The following MYF5 variants were observed in gnomAD, a reference collection of about 807,000 sequenced individuals.
The protein encoded by MYF5 is myogenic factor 5, also known as class C basic helix-loop-helix protein 2.
In MYF5, 20 loss-of-function variants were observed where a neutral mutation model predicts 22.3. The observed-to-expected ratio is 0.90, with a 90% CI of 0.63 to 1.30. MYF5 has a LOEUF of 1.30. Ranked by LOEUF, MYF5 falls within the 50% of genes most tolerant of loss-of-function variation. The pLI, the probability that MYF5 is intolerant of heterozygous loss-of-function variation, is 0.00. For synonymous variants in MYF5, 141 were observed against 128.4 expected, an observed-to-expected ratio of 1.10 and a Z score of -0.66; for missense variants, 348 against 325.9, an observed-to-expected ratio of 1.07 and a Z score of -0.52.
In MYF5 at chr12:80,718,376, G is replaced by A. The variant is rs1455580340; in HGVS notation, c.520G>A (p.Val174Ile). Residue 174 changes from valine (V) to isoleucine (I), a missense_variant, in exon 2 of 3, where the codon GTC (valine) becomes ATC (isoleucine). Physicochemically the swap from Val to Ile is conservative, Grantham distance 29 (BLOSUM62 3). Transcript: ENST00000228644. ...SDGMPECNSPVWSRKSSTFDS... is the reference protein window; with the variant it reads ...SDGMPECNSPIWSRKSSTFDS... ...ATTATAGCCCGAATGTAACAGTCCT[G>A]TCTGGTCCAGAAAGAGCAGTACTTT... is the stretch of plus-strand genomic sequence containing the variant. The A allele has an allele frequency of 6.8e-6, 11 of 1,614,092 alleles. No homozygotes were observed. Among genetic ancestry groups the A allele is most frequent in the Non-Finnish European group, 9.3e-6 (11 of 1,179,926 alleles).
chr12:80,718,347 T>C lies in MYF5; in HGVS notation c.502-11T>C. ...CTGAAAACAAACTTTGTTGTGTGTC[T>C]TGTATTATAGCCCGAATGTAACAGT... On this transcript the variant is annotated splice_polypyrimidine_tract_variant and intron_variant, in intron 1 of 2. Coordinates refer to ENST00000228644, the MANE Select transcript of MYF5 (RefSeq NM_005593.3). 2.5e-6 allele frequency: 4 copies of C among 1,613,098 alleles called. No homozygotes were observed. Among genetic ancestry groups the C allele is most frequent in the African/African-American group, 1.3e-5 (1 of 75,024 alleles).
chr12:80,717,041 T>C lies in MYF5; in HGVS notation c.-23T>C. ...CCCATCCCTCTCGCTGCCGTCCAGG[T>C]GCACCGCCTGCCTCTCAGCAGGATG... On this transcript the variant is annotated 5_prime_UTR_variant, in exon 1 of 3. Coordinates refer to ENST00000228644, the MANE Select transcript of MYF5 (RefSeq NM_005593.3). 2 of 1,576,428 alleles carry C rather than the reference T, an allele frequency of 1.3e-6. No homozygotes were observed. The highest frequency in any genetic ancestry group is 8.6e-7 in the Non-Finnish European group (1 of 1,161,876).
At position 80,717,167 on chromosome 12, in the gene MYF5, G is replaced by A. The variant is rs755476227; in HGVS notation, c.104G>A (p.Arg35Gln). 4 of 1,613,958 alleles carry A rather than the reference G, an allele frequency of 2.5e-6. No homozygotes were observed. Among genetic ancestry groups the A allele is most frequent in the Non-Finnish European group, 2.5e-6 (3 of 1,180,022 alleles). ...GAATTTGGGGACGAGTTTGTGCCGCGAGTGGCTGCCTTCGGAGCGCACAAA... is the reference window on the plus strand; with the variant it reads ...GAATTTGGGGACGAGTTTGTGCCGCAAGTGGCTGCCTTCGGAGCGCACAAA... Reference protein sequence around the residue: ...EGEFGDEFVPRVAAFGAHKAE... With the variant: ...EGEFGDEFVPQVAAFGAHKAE... Residue 35 changes from arginine (R) to glutamine (Q), a missense_variant, in exon 1 of 3, where the codon CGA (arginine) becomes CAA (glutamine). By Grantham distance (43) the Arg-to-Gln change is conservative. Coordinates refer to ENST00000228644, the MANE Select transcript of MYF5 (RefSeq NM_005593.3).
chr12:80,718,301 C>A, intron 1 of MYF5, 57 bp from the exon 2 acceptor site: 1 of 1,428,758 alleles, frequency 7.0e-7, no homozygotes, highest in South Asian at 1.1e-5. Flanking sequence ...CACCTTTGGT[C>A]AGAACATCTT....
At position 80,717,177 on chromosome 12, in the gene MYF5, C is replaced by A; in HGVS notation, c.114C>A (p.Ala38=). 1 of 1,614,026 alleles carries A rather than the reference C, an allele frequency of 6.2e-7. No individual in the cohort carries two copies. The highest frequency in any genetic ancestry group is 8.5e-7 in the Non-Finnish European group (1 of 1,180,020). Residue 38 remains alanine, a synonymous_variant, in exon 1 of 3, where the codon GCC becomes GCA. Coordinates refer to ENST00000228644, the MANE Select transcript of MYF5 (RefSeq NM_005593.3). ...FGDEFVPRVA[A]FGAHKAELQG... ...ACGAGTTTGTGCCGCGAGTGGCTGC[C>A]TTCGGAGCGCACAAAGCAGAGCTGC...
Position 80,717,469 on chromosome 12 carries a change from G to A in MYF5, c.406G>A (p.Glu136Lys). ...NAIRYIESLQ[E>K]LLREQVENYY... Reference sequence around the variant, plus strand: ...CATCCGCTACATCGAGAGCCTGCAGGAGTTGCTGAGAGAGCAGGTGGAGAA... The same window carrying A: ...CATCCGCTACATCGAGAGCCTGCAGAAGTTGCTGAGAGAGCAGGTGGAGAA... The change falls in exon 1 of 3, where the codon GAG becomes AAG. Residue 136 changes from glutamate to lysine, a missense_variant. Glu to Lys is a moderately conservative substitution (Grantham distance 56). Transcript: ENST00000228644. The A allele has an allele frequency of 1.2e-6, 2 of 1,614,180 alleles. No individual in the cohort carries two copies. The highest frequency in any genetic ancestry group is 2.2e-5 in the South Asian group (2 of 91,078).
chr12:80,717,033 C>G lies in MYF5; in HGVS notation c.-31C>G, dbSNP rs897988891. The G allele has an allele frequency of 7.0e-6, 11 of 1,567,862 alleles. No individual in the cohort carries two copies. The highest frequency in any genetic ancestry group is 6.8e-5 in the South Asian group (6 of 87,738). ...CGTTTCTCCCCATCCCTCTCGCTGC[C>G]GTCCAGGTGCACCGCCTGCCTCTCA... On this transcript the variant is annotated 5_prime_UTR_variant, in exon 1 of 3. Coordinates refer to ENST00000228644, the MANE Select transcript of MYF5 (RefSeq NM_005593.3).
rs1418792678 is a variant in MYF5 at position 80,719,587 on chromosome 12, GCA to G, written c.*539_*540del. Reference sequence around the variant, plus strand: ...TAAGAAATGTATCTTTTAAATGTAAGCACAAAATAGTACTTTGTGGATCATTT... The same window carrying G: ...TAAGAAATGTATCTTTTAAATGTAAGCAAAATAGTACTTTGTGGATCATTT... On this transcript the variant is annotated 3_prime_UTR_variant, in exon 3 of 3. Coordinates refer to ENST00000228644, the MANE Select transcript of MYF5 (RefSeq NM_005593.3). 3.3e-5 allele frequency: 5 copies of G among 151,972 alleles called. No homozygotes were observed. Among genetic ancestry groups the G allele is most frequent in the African/African-American group, 9.6e-5 (4 of 41,466 alleles). The allele number at this position is 151,972 out of a possible 1,614,324, so 9.4% of individuals were successfully genotyped here.
At position 80,717,419 on chromosome 12, in the gene MYF5, C is replaced by A. The variant is rs761083628; in HGVS notation, c.356C>A (p.Pro119His). 1.9e-6 allele frequency: 3 copies of A among 1,614,158 alleles called. No homozygotes were observed. The East Asian group carries it at 6.7e-5, about 36-fold the overall frequency. The part of the protein sequence containing the change: ...CTTTNPNQRL[P>H]KVEILRNAIR... ...ACGACCAACCCCAACCAGAGGCTGCCCAAGGTGGAGATCCTCAGGAATGCC... is the reference window on the plus strand; with the variant it reads ...ACGACCAACCCCAACCAGAGGCTGCACAAGGTGGAGATCCTCAGGAATGCC... The change falls in exon 1 of 3, where the codon CCC becomes CAC. Residue 119 changes from proline (P) to histidine (H), a missense_variant. Pro to His is a moderately conservative substitution (Grantham distance 77, BLOSUM62 -2). Transcript: ENST00000228644.
At chr12:80,718,206 T>C in intron 1 of MYF5, 152 bp from the exon 2 acceptor site, 1 of 688,748 alleles carries the variant, frequency 1.5e-6, no homozygotes, top group Non-Finnish European at 2.6e-6. Context: ...CCCTGGGAAT[T>C]TGGAGAGGGC....
In MYF5 at chr12:80,718,868, C is replaced by T. The variant is rs2121361530; in HGVS notation, c.585C>T (p.Ala195=). The change falls in exon 3 of 3, where the codon GCC becomes GCT. Residue 195 remains alanine (A), a synonymous_variant. Coordinates refer to ENST00000228644, the MANE Select transcript of MYF5 (RefSeq NM_005593.3). The part of the protein sequence containing the change: ...IYCPDVSNVY[A]TDKNSLSSLD... ...TTCTCCTTGTATCCTTAGTATATGC[C>T]ACAGATAAAAACTCCTTATCCAGCT... is the stretch of plus-strand genomic sequence containing the variant. 1.2e-6 allele frequency: 2 copies of T among 1,611,910 alleles called. No individual in the cohort carries two copies. The highest frequency in any genetic ancestry group is 2.2e-5 in the East Asian group (1 of 44,852).
At position 80,718,431 on chromosome 12, in the gene MYF5, A is replaced by T. The variant is rs1018719017; in HGVS notation, c.575A>T (p.Asn192Ile). The change falls in exon 2 of 3, where the codon AAT becomes ATT. Residue 192 changes from asparagine to isoleucine, a missense_variant and splice_region_variant. Coordinates refer to ENST00000228644, the MANE Select transcript of MYF5 (RefSeq NM_005593.3). Reference protein sequence around the residue: ...FDSIYCPDVSNVYATDKNSLS... With the variant: ...FDSIYCPDVSIVYATDKNSLS... ...AGCATCTACTGTCCTGATGTATCAA[A>T]TGGTAAGAATTGATAACTTCACAGG... 6.2e-7 allele frequency: 1 copy of T among 1,607,138 alleles called. No individual in the cohort carries two copies. The highest frequency in any genetic ancestry group is 1.3e-5 in the African/African-American group (1 of 74,888).
At chr12:80,718,609 A>T (rs537460105) in intron 2 of MYF5, among the ~76,000 whole-genome samples, 176 bp downstream of exon 2, 1 of 152,284 alleles carries the variant, frequency 6.6e-6, no homozygotes, top group Non-Finnish European at 1.5e-5. Context: ...CCCCTAGCAG[A>T]CACGCACGCA....
chr12:80,719,062 T>C lies in MYF5; in HGVS notation c.*11T>C. ...TATCATGTGCTATGAACTAATTTTC[T>C]GGTCTATATGACTTCTTCCAGGAGG... is the stretch of plus-strand genomic sequence containing the variant. On this transcript the variant is annotated 3_prime_UTR_variant, in exon 3 of 3. Coordinates refer to ENST00000228644, the MANE Select transcript of MYF5 (RefSeq NM_005593.3). 1 of 1,611,918 alleles carries C rather than the reference T, an allele frequency of 6.2e-7. No individual in the cohort carries two copies. The highest frequency in any genetic ancestry group is 8.5e-7 in the Non-Finnish European group (1 of 1,178,742).
In MYF5 at chr12:80,718,340, G is replaced by C; in HGVS notation, c.502-18G>C. 6.2e-7 allele frequency: 1 copy of C among 1,611,184 alleles called. No homozygotes were observed. The highest frequency in any genetic ancestry group is 8.5e-7 in the Non-Finnish European group (1 of 1,177,308). ...CCAAGACCTGAAAACAAACTTTGTT[G>C]TGTGTCTTGTATTATAGCCCGAATG... On this transcript the variant is annotated intron_variant, in intron 1 of 2. Transcript: ENST00000228644.
chr12:80,717,174 T>A lies in MYF5; in HGVS notation c.111T>A (p.Ala37=). 6.2e-7 allele frequency: 1 copy of A among 1,614,038 alleles called. No homozygotes were observed. The highest frequency in any genetic ancestry group is 8.5e-7 in the Non-Finnish European group (1 of 1,180,034). ...GGGACGAGTTTGTGCCGCGAGTGGC[T>A]GCCTTCGGAGCGCACAAAGCAGAGC... ...EFGDEFVPRV[A]AFGAHKAELQ... Residue 37 remains alanine (A), a synonymous_variant, in exon 1 of 3, where the codon GCT becomes GCA. Transcript: ENST00000228644.
chr12:80,718,135 C>T (rs1369790850), intron 1 of MYF5, among the ~76,000 whole-genome samples: 1 of 152,168 alleles, frequency 6.6e-6, no homozygotes, highest in Non-Finnish European at 1.5e-5. Flanking sequence ...TGCTGAATTC[C>T]ACCCCCTCTT....
In MYF5 at chr12:80,718,386, G is replaced by T. The variant is rs1321646587; in HGVS notation, c.530G>T (p.Arg177Ile). ...GAATGTAACAGTCCTGTCTGGTCCA[G>T]AAAGAGCAGTACTTTTGACAGCATC... is the stretch of plus-strand genomic sequence containing the variant. ...MPECNSPVWSRKSSTFDSIYC... is the reference protein window; with the variant it reads ...MPECNSPVWSIKSSTFDSIYC... Residue 177 changes from arginine to isoleucine, a missense_variant, in exon 2 of 3, where the codon AGA (arginine) becomes ATA (isoleucine). Arg to Ile is a moderately conservative substitution (Grantham distance 97). Transcript: ENST00000228644. 5.6e-6 allele frequency: 9 copies of T among 1,614,018 alleles called. No homozygotes were observed. The highest frequency in any genetic ancestry group is 1.7e-5 in the Admixed American group (1 of 60,010).
Position 80,717,034 on chromosome 12 carries a change from G to A in MYF5, c.-30G>A. 1.3e-6 allele frequency: 2 copies of A among 1,570,942 alleles called. No individual in the cohort carries two copies. Among genetic ancestry groups the A allele is most frequent in the East Asian group, 2.3e-5 (1 of 44,202 alleles). ...GTTTCTCCCCATCCCTCTCGCTGCCGTCCAGGTGCACCGCCTGCCTCTCAG... is the reference window on the plus strand; with the variant it reads ...GTTTCTCCCCATCCCTCTCGCTGCCATCCAGGTGCACCGCCTGCCTCTCAG... On this transcript the variant is annotated 5_prime_UTR_variant, in exon 1 of 3. Coordinates refer to ENST00000228644, the MANE Select transcript of MYF5 (RefSeq NM_005593.3).
Sources: gnomAD v4.1 joint callset for allele counts (sites outside exome capture counted in the v4.1 genomes callset) on GRCh38, gnomAD v4.1.1 for gene constraint, MANE v1.5 for transcripts, NCBI Gene and HGNC (gene_info 2026-07-23, HGNC 2026-07-21) for gene names.